Variants in MTUS2 observed in about 807,000 individuals in gnomAD.
MTUS2 encodes microtubule associated scaffold protein 2, also known as microtubule-associated tumor suppressor candidate 2.
Under a neutral mutation model 114.1 loss-of-function variants are expected in MTUS2, and 40 were observed. The ratio of observed to expected loss-of-function variants is 0.35; its 90% CI spans 0.27 to 0.46. The LOEUF is 0.46. Among genes scored for constraint, MTUS2 ranks in the 20% least tolerant of loss-of-function variants. The pLI is 1.00. For missense variants in MTUS2, 1,679 were observed against 1,705.4 expected (o/e 0.98, Z 0.27); for synonymous variants, 688 against 672.0 (o/e 1.02, Z -0.37).
chr13:29,335,020 C>A (rs544681578), intron 7 of MTUS2, among the ~76,000 whole-genome samples: 9 of 152,164 alleles, frequency 5.9e-5, no homozygotes, highest in Non-Finnish European at 1.3e-4. Flanking sequence ...ACCTTAAGAA[C>A]AGGATAACAG....
chr13:28,972,372 A>G (rs1411710610), intron 2 of MTUS2, among the ~76,000 whole-genome samples: 3 of 152,182 alleles, frequency 2.0e-5, no homozygotes, highest in East Asian at 3.8e-4. Flanking sequence ...GGTCCCCACA[A>G]TGTCCTTCTG....
rs1334687572 is a variant in MTUS2 at position 29,390,109 on chromosome 13, A to G, written c.3117+30636A>G. ...TATATGTACACATACACATATATAT[A>G]CACATACACACACAAACATATATAC... On this transcript the variant is annotated intron_variant, in intron 8 of 15. Transcript: ENST00000612955. Among the ~76,000 whole-genome samples the G allele has an allele frequency of 4.6e-5, 5 of 108,772 alleles. 1 individual carries two copies. The highest frequency in any genetic ancestry group is 1.3e-4 in the African/African-American group (5 of 39,064). The allele number at this position is 108,772 out of a possible 152,430, so 71.4% of individuals were successfully genotyped here.
In MTUS2 at chr13:29,037,872, T is replaced by TG. The variant is rs1295610741; in HGVS notation, c.2446+3748dup. Among the ~76,000 whole-genome samples the TG allele has an allele frequency of 2.2e-4, 33 of 152,364 alleles. 1 individual carries two copies. Among genetic ancestry groups the TG allele is most frequent in the Admixed American group, 3.3e-4 (5 of 15,308 alleles). ...GTTTTCAGCTCCATCAGGTCATTTATGTTCTTCTCTAGACTGGTTATTCTA... is the reference window on the plus strand; with the variant it reads ...GTTTTCAGCTCCATCAGGTCATTTATGGTTCTTCTCTAGACTGGTTATTCTA... On this transcript the variant is annotated intron_variant, in intron 4 of 15. Transcript: ENST00000612955.
chr13:29,293,873 A>C (rs951585157), intron 6 of MTUS2, among the ~76,000 whole-genome samples: 4 of 152,138 alleles, frequency 2.6e-5, no homozygotes, highest in African/African-American at 9.7e-5. Context: ...AAATCATTTT[A>C]TGTATGCCTT....
Position 29,281,773 on chromosome 13 carries a change from G to T in MTUS2, c.2714G>T (p.Gly905Val), listed in dbSNP as rs560038418. 5.0e-6 allele frequency: 8 copies of T among 1,612,368 alleles called. No homozygotes were observed. The Admixed American group carries it at 8.3e-5, about 17-fold the overall frequency. The part of the protein sequence containing the change: ...ASLPSKDTPK[G>V]AGRVAPPASS... ...CTGCCTTCTAAGGACACACCCAAGG[G>T]GGCCGGCCGGGTGGCCCCTCCAGCA... is the stretch of plus-strand genomic sequence containing the variant. The change falls in exon 6 of 16, where the codon GGG becomes GTG. Residue 905 changes from glycine to valine, a missense_variant. By Grantham distance (109) the Gly-to-Val change is moderately radical (BLOSUM62 -3). This residue lies in a region of MTUS2 where 822 missense variants were observed against 899.7 expected (regional missense o/e 0.91). Transcript: ENST00000612955.
chr13:29,345,152 C>T (rs191760328), intron 7 of MTUS2, among the ~76,000 whole-genome samples: 14 of 152,180 alleles, frequency 9.2e-5, no homozygotes, highest in East Asian at 1.9e-4. Flanking sequence ...TGATCTTTTG[C>T]GATAAATTTC....
chr13:29,399,123 G>A (rs1874135389), intron 8 of MTUS2, among the ~76,000 whole-genome samples: 1 of 152,222 alleles, frequency 6.6e-6, no homozygotes, highest in South Asian at 2.1e-4. Flanking sequence ...TGCTAAACAA[G>A]TGGTGGATTA....
intron 1 of MTUS2, among the ~76,000 whole-genome samples, chr13:28,822,221 G>A (rs1873950985): frequency 1.3e-5 from 2 of 152,126 alleles, no homozygotes; most frequent in Non-Finnish European, 2.9e-5. Context: ...AAATCTAGGA[G>A]CAGATCTTAT....
intron 4 of MTUS2, among the ~76,000 whole-genome samples, chr13:29,078,587 A>G (rs545474858): frequency 1.3e-5 from 2 of 152,354 alleles, no homozygotes; most frequent in South Asian, 2.1e-4. Context: ...CTGCAATTTT[A>G]TAACATTTTC....
chr13:28,907,272 C>T (rs1880092260), intron 2 of MTUS2, among the ~76,000 whole-genome samples: 1 of 151,648 alleles, frequency 6.6e-6, no homozygotes, highest in African/African-American at 2.4e-5. Context: ...TGGAAAGGAA[C>T]AACCGGTACC....
chr13:29,278,059 T>C (rs889242728), intron 5 of MTUS2, among the ~76,000 whole-genome samples: 2 of 152,204 alleles, frequency 1.3e-5, no homozygotes, highest in Non-Finnish European at 2.9e-5. Flanking sequence ...TGGCAGATAA[T>C]GCAAGGAACT....
At chr13:28,886,870 A>G (rs1878622465) in intron 2 of MTUS2, among the ~76,000 whole-genome samples, 1 of 152,168 alleles carries the variant, frequency 6.6e-6, no homozygotes, top group Non-Finnish European at 1.5e-5. Flanking sequence ...TGGGCACAGC[A>G]GTTTAGGATT....
At chr13:29,433,272 T>A in intron 8 of MTUS2, among the ~76,000 whole-genome samples, 1 of 152,234 alleles carries the variant, frequency 6.6e-6, no homozygotes, top group East Asian at 1.9e-4. Flanking sequence ...GCATTTGTAA[T>A]CATTTTGATT....
rs183431413 is a variant in MTUS2, at chr13:29,501,299, C to G, written c.3896+105C>G. On this transcript the variant is annotated intron_variant, in intron 15 of 15. Transcript: ENST00000612955. The stretch of plus-strand genomic sequence containing the variant: ...TGGCCTGTGAGTCTTTCCCCACAGT[C>G]TCTTGCTGTTTTCCCCAAGACCTGA... The G allele has an allele frequency of 1.4e-4, 115 of 832,488 alleles. No individual in the cohort carries two copies. In the African/African-American group the frequency reaches 1.8e-3, roughly 13 times the overall value. 51.6% of individuals were successfully genotyped at this position (832,488 alleles called of 1,614,324 possible). A position where few individuals can be genotyped will look rare whatever the true frequency, so the allele number is the denominator to read the frequency against.
At chr13:29,008,632 T>C (rs750407809) in intron 2 of MTUS2, among the ~76,000 whole-genome samples, 12 of 152,366 alleles carry the variant, frequency 7.9e-5, no homozygotes, top group African/African-American at 1.4e-4. Context: ...TAGCAAGATA[T>C]AGAGTTCTAG....
At chr13:29,053,425 A>G (rs2138613217) in intron 4 of MTUS2, among the ~76,000 whole-genome samples, 1 of 152,290 alleles carries the variant, frequency 6.6e-6, no homozygotes, top group South Asian at 2.1e-4. Flanking sequence ...GTGCAACTGG[A>G]AGGCCCAGTT....
intron 8 of MTUS2, among the ~76,000 whole-genome samples, chr13:29,399,477 T>A (rs562290223): frequency 6.6e-5 from 10 of 152,268 alleles, no homozygotes; most frequent in African/African-American, 2.4e-4. Flanking sequence ...AGGAATCCAA[T>A]ACACGGTTCA....
chr13:28,931,701 T>C (rs887344243), intron 2 of MTUS2, among the ~76,000 whole-genome samples: 1 of 152,154 alleles, frequency 6.6e-6, no homozygotes, highest in African/African-American at 2.4e-5. Flanking sequence ...TATTATACTT[T>C]AAGTTTTAGG....
At chr13:29,129,720 C>T (rs1891674692) in intron 5 of MTUS2, among the ~76,000 whole-genome samples, 1 of 152,098 alleles carries the variant, frequency 6.6e-6, no homozygotes, top group African/African-American at 2.4e-5. Context: ...CAAAATGAGT[C>T]ATGGCTGGTG....
Sources: gnomAD v4.1 joint callset for allele counts (sites outside exome capture counted in the v4.1 genomes callset) on GRCh38, gnomAD v4.1.1 for gene constraint, gnomAD v4.1.1 regional missense constraint, MANE v1.5 for transcripts, NCBI Gene and HGNC (gene_info 2026-07-23, HGNC 2026-07-21) for gene names.